Variants in TENM2 observed in about 807,000 individuals in gnomAD.
The protein encoded by TENM2 is teneurin transmembrane protein 2, also known as teneurin-2.
A neutral mutation model predicts 245.2 loss-of-function variants in TENM2; 52 were observed. The ratio of observed to expected loss-of-function variants is 0.21; its 90% CI spans 0.17 to 0.27. TENM2 has a LOEUF of 0.27. Ranked by LOEUF, TENM2 falls within the 10% of genes least tolerant of loss-of-function variation. The probability of loss-of-function intolerance (pLI) is 1.00; values close to 1 mark genes in which losing one functional copy is unlikely to be tolerated. For synonymous variants in TENM2, 1,363 were observed against 1,438.9 expected, an observed-to-expected ratio of 0.95 and a Z score of 1.19; for missense variants, 3,046 against 3,666.8, an observed-to-expected ratio of 0.83 and a Z score of 4.37.
intron 2 of TENM2, among the ~76,000 whole-genome samples, chr5:167,656,339 T>A (rs893222807): frequency 3.3e-5 from 5 of 152,144 alleles, no homozygotes; most frequent in African/African-American, 1.2e-4. Context: ...ACTCATTGAA[T>A]CTTTAAAAAG....
At chr5:167,915,811 T>G (rs758832598) in intron 3 of TENM2, among the ~76,000 whole-genome samples, 15 of 152,212 alleles carry the variant, frequency 9.9e-5, no homozygotes, top group Non-Finnish European at 2.2e-4. Context: ...AAAGATTGTA[T>G]TTCCTTGATT....
At chr5:167,666,706 G>A (rs1755601375) in intron 2 of TENM2, among the ~76,000 whole-genome samples, 1 of 152,116 alleles carries the variant, frequency 6.6e-6, no homozygotes, top group Non-Finnish European at 1.5e-5. Flanking sequence ...TTCACAAATG[G>A]TCTGAAATAT....
intron 7 of TENM2, among the ~76,000 whole-genome samples, chr5:168,089,197 ACCT>A (rs1792713634): frequency 6.6e-6 from 1 of 151,950 alleles, no homozygotes; most frequent in Admixed American, 6.6e-5. Context: ...AAGCCCTGTC[ACCT>A]CTTCCTTAGA....
At chr5:167,142,476 A>C in the TENM2 span, among the ~76,000 whole-genome samples, 1 of 151,460 alleles carries the variant, frequency 6.6e-6, no homozygotes, top group African/African-American at 2.4e-5. Context: ...ATATATAAAT[A>C]ATAAATATAA....
chr5:167,279,247 A>G, the TENM2 span, among the ~76,000 whole-genome samples: 3 of 152,088 alleles, frequency 2.0e-5, no homozygotes, highest in Admixed American at 1.3e-4. Context: ...TATGGATGCA[A>G]TTGGATTTGT....
chr5:167,526,458 T>C (rs1771127808), intron 2 of TENM2, among the ~76,000 whole-genome samples: 1 of 151,892 alleles, frequency 6.6e-6, no homozygotes, highest in Non-Finnish European at 1.5e-5. Context: ...TACATGGTTG[T>C]CTATTTTTTT....
chr5:167,298,743 C>A (rs1299652830), intron 1 of TENM2, among the ~76,000 whole-genome samples: 1 of 152,200 alleles, frequency 6.6e-6, no homozygotes, highest in African/African-American at 2.4e-5. Flanking sequence ...ATAGTCCTGC[C>A]AGCAAAGATT....
intron 1 of TENM2, among the ~76,000 whole-genome samples, chr5:167,320,585 A>G (rs1332971742): frequency 6.6e-6 from 1 of 152,164 alleles, no homozygotes; most frequent in Non-Finnish European, 1.5e-5. Flanking sequence ...TGGGACTTTT[A>G]AGGCATGATT....
At chr5:166,985,718 G>A in the TENM2 span, among the ~76,000 whole-genome samples, 5 of 152,120 alleles carry the variant, frequency 3.3e-5, no homozygotes, top group Non-Finnish European at 7.4e-5. Flanking sequence ...GGCTGTGGAT[G>A]AGTGTGGAAA....
intron 2 of TENM2, among the ~76,000 whole-genome samples, chr5:167,405,769 A>ACACACACACACACAC (rs1762599972): frequency 4.8e-5 from 7 of 145,276 alleles, no homozygotes; most frequent in South Asian, 2.3e-4. Context: ...CACACACACA[A>ACACACACACACACAC]ACACACACAC....
intron 2 of TENM2, among the ~76,000 whole-genome samples, chr5:167,659,043 T>C (rs1755035496): frequency 6.6e-6 from 1 of 152,110 alleles, no homozygotes; most frequent in Non-Finnish European, 1.5e-5. Context: ...TTCCTCGGAG[T>C]GTTCCTATTC....
At chr5:167,767,137 G>A (rs914868150) in intron 2 of TENM2, among the ~76,000 whole-genome samples, 5 of 152,128 alleles carry the variant, frequency 3.3e-5, no homozygotes, top group African/African-American at 1.2e-4. Context: ...GCCAAAAGAT[G>A]GAAGCAACCC....
At chr5:167,137,438 T>C in the TENM2 span, among the ~76,000 whole-genome samples, 2 of 152,146 alleles carry the variant, frequency 1.3e-5, no homozygotes, top group Non-Finnish European at 2.9e-5. Flanking sequence ...AGGTTGCGAA[T>C]GCACCTTTTT....
At chr5:167,282,479 A>G (rs1253376368), upstream of TENM2, among the ~76,000 whole-genome samples, 1 of 152,238 alleles carries the variant, frequency 6.6e-6, no homozygotes, top group Non-Finnish European at 1.5e-5. Flanking sequence ...AATAAAAACT[A>G]ATTTTAATTG....
intron 1 of TENM2, among the ~76,000 whole-genome samples, chr5:167,373,238 A>G (rs949716184): frequency 6.6e-4 from 101 of 152,244 alleles, no homozygotes; most frequent in African/African-American, 2.3e-3. Context: ...ATAAAAAGAC[A>G]TATGTCTATT....
At chr5:167,853,610 C>T (rs1299196648) in intron 2 of TENM2, among the ~76,000 whole-genome samples, 1 of 152,084 alleles carries the variant, frequency 6.6e-6, no homozygotes, top group Non-Finnish European at 1.5e-5. Flanking sequence ...TGTTTCTTTA[C>T]AAGACTTGGC....
the TENM2 span, among the ~76,000 whole-genome samples, chr5:167,041,204 T>A: frequency 2.6e-5 from 4 of 152,224 alleles, no homozygotes; most frequent in Non-Finnish European, 5.9e-5. Context: ...ACTTTCCAGG[T>A]ACTACACAGT....
At chr5:167,337,054 T>C (rs1439684675) in intron 1 of TENM2, among the ~76,000 whole-genome samples, 1 of 139,204 alleles carries the variant, frequency 7.2e-6, no homozygotes, top group Non-Finnish European at 1.5e-5. Context: ...GAAGCGGAGC[T>C]TGCAGTGAGC....
At chr5:167,189,850 C>G in the TENM2 span, among the ~76,000 whole-genome samples, 2 of 152,166 alleles carry the variant, frequency 1.3e-5, no homozygotes, top group East Asian at 3.9e-4. Context: ...AATACCATAT[C>G]AGGTACCTTG....
Sources: allele counts gnomAD v4.1 joint callset (sites outside exome capture counted in the v4.1 genomes callset), GRCh38; gene constraint gnomAD v4.1.1; transcripts MANE v1.5; gene names NCBI Gene and HGNC (gene_info 2026-07-23, HGNC 2026-07-21).